GLIS3: variants seen among roughly 807,000 people sequenced by gnomAD.
GLIS3 encodes zinc finger protein GLIS3.
A neutral mutation model predicts 78.6 loss-of-function variants in GLIS3; 53 were observed. The observed-to-expected ratio is 0.67, with a 90% confidence interval of 0.54 to 0.85. The LOEUF is 0.85. Ranked by LOEUF, GLIS3 falls within the 40% of genes least tolerant of loss-of-function variation. The probability of loss-of-function intolerance (pLI) is 0.00; values close to 1 mark genes in which losing one functional copy is unlikely to be tolerated. For missense variants in GLIS3, 1,703 were observed against 1,231.1 expected (o/e 1.38, Z -5.74); for synonymous variants, 684 against 509.9 (o/e 1.34, Z -4.60).
chr9:4,466,327 G>C, the GLIS3 span, among the ~76,000 whole-genome samples: 52 of 152,222 alleles, frequency 3.4e-4, no homozygotes, highest in African/African-American at 1.2e-3. Flanking sequence ...TTTCCACAAA[G>C]AAACTCCAGG....
chr9:4,464,028 T>TCCTA, the GLIS3 span, among the ~76,000 whole-genome samples: 1 of 152,172 alleles, frequency 6.6e-6, no homozygotes, highest in Non-Finnish European at 1.5e-5. Flanking sequence ...ATCTAGTGGG[T>TCCTA]CCTAAAGTGT....
At chr9:4,388,416 C>T in the GLIS3 span, among the ~76,000 whole-genome samples, 9 of 151,902 alleles carry the variant, frequency 5.9e-5, no homozygotes, top group South Asian at 2.1e-4. Context: ...TGGTGGCTCA[C>T]GCCTGTAATC....
intron 4 of GLIS3, among the ~76,000 whole-genome samples, chr9:4,092,567 G>A (rs976108923): frequency 1.3e-5 from 2 of 151,980 alleles, no homozygotes; most frequent in African/African-American, 4.8e-5. Flanking sequence ...TTGTTGAAAA[G>A]TAAGACATGA....
At chr9:4,328,288 C>T (rs970043903) in intron 2 of GLIS3, among the ~76,000 whole-genome samples, 2 of 152,118 alleles carry the variant, frequency 1.3e-5, no homozygotes, top group Middle Eastern at 3.2e-3. Flanking sequence ...CATGCTGTGG[C>T]CCCTGAAGAA....
At chr9:4,382,907 A>T in the GLIS3 span, among the ~76,000 whole-genome samples, 3 of 152,302 alleles carry the variant, frequency 2.0e-5, no homozygotes, top group East Asian at 5.8e-4. Flanking sequence ...TGCCTAATTA[A>T]TATTTCTGGC....
intron 2 of GLIS3, among the ~76,000 whole-genome samples, chr9:4,169,925 C>A (rs181201114): frequency 1.3e-5 from 2 of 151,890 alleles, no homozygotes; most frequent in Non-Finnish European, 2.9e-5. Context: ...AAATATTGAC[C>A]AAATGTCGCT....
At chr9:4,109,823 C>A (rs542975014) in intron 4 of GLIS3, among the ~76,000 whole-genome samples, 1 of 152,270 alleles carries the variant, frequency 6.6e-6, no homozygotes, top group South Asian at 2.1e-4. Flanking sequence ...CTTTCATACT[C>A]CTGTGCTATT....
intron 10 of GLIS3, 40 bp from the exon 11 acceptor site, chr9:3,828,448 C>G: frequency 3.1e-6 from 5 of 1,610,158 alleles, no homozygotes; most frequent in Non-Finnish European, 4.2e-6. Flanking sequence ...TAACTCCTGC[C>G]CCATGCCACG....
At chr9:4,373,812 T>C in the GLIS3 span, among the ~76,000 whole-genome samples, 4 of 151,902 alleles carry the variant, frequency 2.6e-5, no homozygotes, top group Non-Finnish European at 5.9e-5. Flanking sequence ...GGATTACAGA[T>C]GCGCACAACC....
At chr9:3,973,039 T>G (rs1818504104) in intron 4 of GLIS3, among the ~76,000 whole-genome samples, 1 of 152,134 alleles carries the variant, frequency 6.6e-6, no homozygotes, top group South Asian at 2.1e-4. Flanking sequence ...CAATAATTCA[T>G]GAGAAGGACC....
At chr9:4,436,954 G>C in the GLIS3 span, among the ~76,000 whole-genome samples, 1 of 151,830 alleles carries the variant, frequency 6.6e-6, no homozygotes, top group African/African-American at 2.4e-5. Flanking sequence ...AAAGGAGCAA[G>C]ACTTCCACCA....
intron 4 of GLIS3, among the ~76,000 whole-genome samples, chr9:3,988,282 A>G (rs553322595): frequency 1.3e-5 from 2 of 152,240 alleles, no homozygotes; most frequent in Admixed American, 1.3e-4. Context: ...GACTAAAGAA[A>G]GATCTTCCAA....
intron 4 of GLIS3, among the ~76,000 whole-genome samples, chr9:4,034,254 T>C (rs1824124553): frequency 6.6e-6 from 1 of 152,122 alleles, no homozygotes; most frequent in Admixed American, 6.5e-5. Context: ...CCAGAAACTT[T>C]ATTAATTCTA....
intron 2 of GLIS3, among the ~76,000 whole-genome samples, chr9:4,311,473 C>A (rs955653232): frequency 6.6e-6 from 1 of 152,184 alleles, no homozygotes; most frequent in African/African-American, 2.4e-5. Context: ...AGACCTTACT[C>A]TGAGAAGCAG....
chr9:3,877,185 G>C (rs1821373118), intron 8 of GLIS3, among the ~76,000 whole-genome samples: 1 of 152,124 alleles, frequency 6.6e-6, no homozygotes, highest in African/African-American at 2.4e-5. Context: ...AATGAAATGT[G>C]ATGATGAAAA....
the GLIS3 span, among the ~76,000 whole-genome samples, chr9:4,479,521 T>A: frequency 1.3e-5 from 2 of 152,190 alleles, no homozygotes; most frequent in African/African-American, 2.4e-5. Flanking sequence ...GTCTGTACAT[T>A]GGGCCAGTTC....
chr9:4,407,519 C>T, the GLIS3 span, among the ~76,000 whole-genome samples: 10 of 152,116 alleles, frequency 6.6e-5, no homozygotes, highest in South Asian at 2.1e-4. Flanking sequence ...TGGTGGCGGG[C>T]GCCTGTAGTC....
chr9:4,011,630 C>T (rs1313531997), intron 4 of GLIS3, among the ~76,000 whole-genome samples: 1 of 152,158 alleles, frequency 6.6e-6, no homozygotes, highest in East Asian at 1.9e-4. Flanking sequence ...TGCCCTGGAC[C>T]TTCCGTCTCT....
intron 2 of GLIS3, among the ~76,000 whole-genome samples, chr9:4,279,662 T>C (rs986357083): frequency 1.3e-5 from 2 of 150,312 alleles, no homozygotes; most frequent in African/African-American, 4.9e-5. Flanking sequence ...TCAACTGGTG[T>C]TAACCTAGAG....
Sources: allele counts gnomAD v4.1 joint callset (sites outside exome capture counted in the v4.1 genomes callset), GRCh38; gene constraint gnomAD v4.1.1; transcripts MANE v1.5; gene names NCBI Gene and HGNC (gene_info 2026-07-23, HGNC 2026-07-21).